THADA: variants seen among roughly 807,000 people sequenced by gnomAD.
The protein encoded by THADA is tRNA (32-2'-O)-methyltransferase regulator THADA.
Under a neutral mutation model 219.8 loss-of-function variants are expected in THADA, and 213 were observed. The ratio of observed to expected loss-of-function variants is 0.97; its 90% CI spans 0.87 to 1.09. The LOEUF is 1.09. THADA is among the 50% of genes least tolerant of loss of function. The pLI is 0.00. For synonymous variants in THADA, 1,018 were observed against 828.9 expected, an observed-to-expected ratio of 1.23 and a Z score of -3.92; for missense variants, 2,956 against 2,311.3, an observed-to-expected ratio of 1.28 and a Z score of -5.72.
chr2:43,484,855 T>A (rs2105011183), intron 26 of THADA, among the ~76,000 whole-genome samples: 1 of 150,840 alleles, frequency 6.6e-6, no homozygotes, highest in South Asian at 2.1e-4. Flanking sequence ...AACTTCCACC[T>A]ATAAAATTAA....
intron 36 of THADA, among the ~76,000 whole-genome samples, chr2:43,272,070 C>A (rs1029493618): frequency 1.3e-5 from 2 of 152,118 alleles, no homozygotes; most frequent in East Asian, 3.8e-4. Context: ...GACACTGAAG[C>A]TGAGATTGGA....
At chr2:43,491,470 C>T (rs1430185348) in intron 25 of THADA, among the ~76,000 whole-genome samples, 1 of 152,136 alleles carries the variant, frequency 6.6e-6, no homozygotes, top group African/African-American at 2.4e-5. Context: ...TAATGAACCA[C>T]AAAATGATGC....
chr2:43,592,945 A>T (rs1277248822), intron 1 of THADA: 1 of 152,278 alleles, frequency 6.6e-6, no homozygotes, highest in African/African-American at 2.4e-5. Context: ...GTTTGCTTTT[A>T]TCGATACTTA....
At chr2:43,359,355 G>C (rs775180110) in intron 29 of THADA, among the ~76,000 whole-genome samples, 2 of 152,206 alleles carry the variant, frequency 1.3e-5, no homozygotes, top group Non-Finnish European at 2.9e-5. Flanking sequence ...CAGTCCTTAT[G>C]AGCCTCCTCG....
At chr2:43,299,062 C>G (rs1027726215) in intron 31 of THADA, among the ~76,000 whole-genome samples, 2 of 151,834 alleles carry the variant, frequency 1.3e-5, no homozygotes, top group Non-Finnish European at 2.9e-5. Context: ...TTCAGTGTCC[C>G]CAAGGGAAAA....
At chr2:43,590,676 C>G (rs1701462176) in intron 4 of THADA, 148 bp downstream of exon 4, 1 of 474,384 alleles carries the variant, frequency 2.1e-6, no homozygotes, top group Non-Finnish European at 3.6e-6. Context: ...ATAGTTGTAA[C>G]TAATCAATGA....
At chr2:43,504,868 A>T (rs995679104) in intron 24 of THADA, among the ~76,000 whole-genome samples, 1 of 152,172 alleles carries the variant, frequency 6.6e-6, no homozygotes, top group Non-Finnish European at 1.5e-5. Flanking sequence ...TGAGCAACAG[A>T]GTGAGACTCT....
chr2:43,286,773 C>T (rs962481564), intron 35 of THADA, 135 bp downstream of exon 35: 40 of 988,580 alleles, frequency 4.0e-5, no homozygotes, highest in Middle Eastern at 3.2e-4. Context: ...TGAACTAAGA[C>T]GGTAGGAATA....
At chr2:43,545,454 A>C (rs1296790099) in intron 20 of THADA, among the ~76,000 whole-genome samples, 3 of 151,904 alleles carry the variant, frequency 2.0e-5, no homozygotes, top group Non-Finnish European at 4.4e-5. Context: ...GAATGGTACC[A>C]GTTCCTCCTT....
intron 9 of THADA, among the ~76,000 whole-genome samples, 199 bp downstream of exon 9, chr2:43,578,314 C>CTTT (rs34796084): frequency 7.1e-6 from 1 of 141,682 alleles, no homozygotes; most frequent in Non-Finnish European, 1.5e-5. Flanking sequence ...AGCAAATTTT[C>CTTT]TTTTTTTTTT....
At position 43,541,182 on chromosome 2, in the gene THADA, C is replaced by A; in HGVS notation, c.3241G>T (p.Asp1081Tyr). The part of the protein sequence containing the change: ...LPMQPVPESS[D>Y]GLLTVEQVKE... Reference sequence around the variant, plus strand: ...ACCTGCTCCACCGTCAATAATCCATCAGAAGATTCTGGCACAGGCTGCATG... The same window carrying A: ...ACCTGCTCCACCGTCAATAATCCATAAGAAGATTCTGGCACAGGCTGCATG... The change falls in exon 21 of 38, where the codon GAT becomes TAT. Residue 1081 changes from aspartate to tyrosine, a missense_variant. Asp to Tyr is a radical substitution (Grantham distance 160, BLOSUM62 -3). Coordinates refer to ENST00000405975, the MANE Select transcript of THADA (RefSeq NM_022065.5). 1 of 1,594,428 alleles carries A rather than the reference C, an allele frequency of 6.3e-7. No homozygotes were observed. Among genetic ancestry groups the A allele is most frequent in the Admixed American group, 1.8e-5 (1 of 55,314 alleles).
intron 31 of THADA, among the ~76,000 whole-genome samples, chr2:43,318,560 C>T (rs1047643905): frequency 1.3e-5 from 2 of 152,218 alleles, no homozygotes; most frequent in Admixed American, 1.3e-4. Context: ...ATCTCAAGCG[C>T]TCAAGATCCA....
chr2:43,555,396 G>GTA (rs371073432), intron 17 of THADA, among the ~76,000 whole-genome samples: 6,746 of 148,466 alleles, frequency 0.045, 526 homozygotes, highest in African/African-American at 0.16. Context: ...TATATTACAT[G>GTA]TATATATATA....
chr2:43,370,112 A>C (rs1213273978), intron 29 of THADA: 3 of 152,254 alleles, frequency 2.0e-5, no homozygotes, highest in Non-Finnish European at 4.4e-5. Context: ...CCACGTCTTA[A>C]AGCCTACCTG....
At chr2:43,298,401 A>G (rs1675843921) in intron 31 of THADA, among the ~76,000 whole-genome samples, 3 of 122,832 alleles carry the variant, frequency 2.4e-5, no homozygotes, top group African/African-American at 1.0e-4. Flanking sequence ...TGAAGGCAGC[A>G]TGCTCGTTAA....
chr2:43,285,405 T>G (rs1220785646), intron 35 of THADA, among the ~76,000 whole-genome samples: 2 of 152,140 alleles, frequency 1.3e-5, no homozygotes, highest in Admixed American at 6.5e-5. Flanking sequence ...CTTCCTGCTC[T>G]CTCTCTCTCC....
chr2:43,283,143 G>C (rs1418299947), intron 35 of THADA, among the ~76,000 whole-genome samples: 2 of 152,206 alleles, frequency 1.3e-5, no homozygotes, highest in South Asian at 4.1e-4. Context: ...ATGGGAAGCT[G>C]TGCCTTGCTT....
chr2:43,585,441 C>T (rs753752833), intron 7 of THADA, among the ~76,000 whole-genome samples: 4 of 151,476 alleles, frequency 2.6e-5, no homozygotes, highest in Non-Finnish European at 5.9e-5. Flanking sequence ...TCACTTGAAC[C>T]CAGGGAGGTA....
intron 22 of THADA, among the ~76,000 whole-genome samples, chr2:43,514,885 AATAT>A (rs1691135386): frequency 1.2e-5 from 1 of 80,820 alleles, no homozygotes; most frequent in East Asian, 3.7e-4. Context: ...TAATATGTAT[AATAT>A]ATATTTTATG....
Sources: allele counts gnomAD v4.1 joint callset (sites outside exome capture counted in the v4.1 genomes callset), GRCh38; gene constraint gnomAD v4.1.1; transcripts MANE v1.5; gene names NCBI Gene and HGNC (gene_info 2026-07-23, HGNC 2026-07-21).